The following MDGA2 variants were observed in gnomAD, a reference collection of about 807,000 sequenced individuals.
MDGA2 encodes the protein MAM domain containing glycosylphosphatidylinositol anchor 2.
MDGA2 carries 40 observed loss-of-function variants against 117.8 expected under a neutral mutation model. That is an observed-to-expected ratio of 0.34 (90% CI 0.26 to 0.44). The LOEUF (loss-of-function observed/expected upper bound fraction) is 0.44. MDGA2 is among the 20% of genes least tolerant of loss of function. MDGA2 has a pLI of 1.00. For missense variants in MDGA2, 1,123 were observed against 1,250.6 expected (o/e 0.90, Z 1.54); for synonymous variants, 452 against 439.0 (o/e 1.03, Z -0.37).
chr14:47,007,144 G>T (rs1887741229), intron 8 of MDGA2, among the ~76,000 whole-genome samples: 1 of 151,694 alleles, frequency 6.6e-6, no homozygotes, highest in Admixed American at 6.6e-5. Context: ...GTGATAATCT[G>T]GTCTTGTGGT....
At chr14:47,365,279 G>C (rs1418461779) in intron 1 of MDGA2, among the ~76,000 whole-genome samples, 1 of 152,206 alleles carries the variant, frequency 6.6e-6, no homozygotes, top group Non-Finnish European at 1.5e-5. Flanking sequence ...TGCATCTTGG[G>C]GGCCCACCCC....
At chr14:46,981,617 A>C (rs1361708341) in intron 8 of MDGA2, among the ~76,000 whole-genome samples, 1 of 152,190 alleles carries the variant, frequency 6.6e-6, no homozygotes. Context: ...GTCAAGTGGT[A>C]GGTGTGAAAA....
At chr14:47,371,268 C>G (rs1194001383) in intron 1 of MDGA2, among the ~76,000 whole-genome samples, 1 of 151,702 alleles carries the variant, frequency 6.6e-6, no homozygotes, top group Non-Finnish European at 1.5e-5. Flanking sequence ...TTTTCAAATG[C>G]TGATCTTTCT....
At chr14:46,960,696 T>C (rs1206594831) in intron 8 of MDGA2, 1 of 150,778 alleles carries the variant, frequency 6.6e-6, no homozygotes, top group African/African-American at 2.4e-5. Context: ...TATGTGTATA[T>C]ATACACATAT....
intron 3 of MDGA2, among the ~76,000 whole-genome samples, chr14:47,156,135 C>A (rs531762070): frequency 2.0e-4 from 30 of 151,732 alleles, no homozygotes; most frequent in Admixed American, 1.5e-3. Flanking sequence ...TCACAAACAC[C>A]TAACCTCAAG....
At chr14:47,372,746 C>T (rs1248580599) in intron 1 of MDGA2, among the ~76,000 whole-genome samples, 2 of 151,842 alleles carry the variant, frequency 1.3e-5, no homozygotes, top group African/African-American at 4.8e-5. Flanking sequence ...CTTATAAAAA[C>T]ATATGTAAAA....
intron 1 of MDGA2, among the ~76,000 whole-genome samples, chr14:47,400,024 T>C (rs1892100999): frequency 6.6e-6 from 1 of 152,214 alleles, no homozygotes; most frequent in Non-Finnish European, 1.5e-5. Context: ...CCTGACAATG[T>C]TCTTCCAGTT....
At chr14:47,350,465 G>A (rs1890853669) in intron 1 of MDGA2, among the ~76,000 whole-genome samples, 2 of 152,244 alleles carry the variant, frequency 1.3e-5, no homozygotes, top group African/African-American at 4.8e-5. Context: ...GAATAATACC[G>A]TTACCTATTT....
At chr14:47,155,919 T>TGAGACAGAG (rs1883365486) in intron 3 of MDGA2, among the ~76,000 whole-genome samples, 1 of 73,544 alleles carries the variant, frequency 1.4e-5, no homozygotes, top group African/African-American at 5.8e-5. Context: ...TTTTTTTTTT[T>TGAGACAGAG]TTTTTTTTTT....
intron 2 of MDGA2, among the ~76,000 whole-genome samples, chr14:47,226,267 G>T (rs1886499437): frequency 1.3e-5 from 2 of 149,072 alleles, no homozygotes; most frequent in South Asian, 4.2e-4. Flanking sequence ...ATAAATGGGA[G>T]GAGTCTGAAG....
chr14:46,940,483 C>A (rs1884955673), intron 9 of MDGA2, among the ~76,000 whole-genome samples: 2 of 151,852 alleles, frequency 1.3e-5, no homozygotes, highest in South Asian at 4.2e-4. Flanking sequence ...TAAAAACTGG[C>A]CAGGCATGAT....
At chr14:46,912,206 A>G (rs1344885376) in intron 10 of MDGA2, among the ~76,000 whole-genome samples, 2 of 152,202 alleles carry the variant, frequency 1.3e-5, no homozygotes, top group African/African-American at 4.8e-5. Context: ...TACTTTGCTC[A>G]TAAGCAAATT....
At chr14:47,415,264 G>C (rs945717119) in intron 1 of MDGA2, among the ~76,000 whole-genome samples, 1 of 152,174 alleles carries the variant, frequency 6.6e-6, no homozygotes, top group African/African-American at 2.4e-5. Flanking sequence ...ACCTATCTTT[G>C]CCTCATAGTC....
chr14:47,671,180 C>T (rs1392462486), intron 1 of MDGA2, among the ~76,000 whole-genome samples: 1 of 152,148 alleles, frequency 6.6e-6, no homozygotes, highest in Non-Finnish European at 1.5e-5. Context: ...CCAACTGTGA[C>T]ACCATATATA....
intron 2 of MDGA2, among the ~76,000 whole-genome samples, chr14:47,222,870 G>A (rs545954532): frequency 1.3e-5 from 2 of 152,278 alleles, no homozygotes; most frequent in African/African-American, 4.8e-5. Flanking sequence ...TCCAGAAGCC[G>A]ATGAATAGAA....
rs532519863 is a variant in MDGA2, at chr14:47,625,140, C to T, written c.280+49377G>A. On this transcript the variant is annotated intron_variant, in intron 1 of 16. Coordinates refer to ENST00000399232, the MANE Select transcript of MDGA2 (RefSeq NM_001113498.3). ...AGTGACAAATCTATGGTTCCTTTTACACAACAGGTTACAGTATAGTTGTTT... is the reference window on the plus strand; with the variant it reads ...AGTGACAAATCTATGGTTCCTTTTATACAACAGGTTACAGTATAGTTGTTT... Among the ~76,000 whole-genome samples the T allele has an allele frequency of 3.9e-5, 6 of 152,204 alleles. No homozygotes were observed. The South Asian group carries it at 1.2e-3, about 32-fold the overall frequency.
chr14:47,071,441 T>C (rs1229202632), intron 6 of MDGA2, among the ~76,000 whole-genome samples: 1 of 152,182 alleles, frequency 6.6e-6, no homozygotes, highest in Non-Finnish European at 1.5e-5. Context: ...ATATGTTATA[T>C]GTATTATAAA....
intron 1 of MDGA2, among the ~76,000 whole-genome samples, chr14:47,572,679 T>C (rs1040555843): frequency 1.3e-5 from 2 of 152,118 alleles, no homozygotes; most frequent in Admixed American, 6.5e-5. Flanking sequence ...CCTCCAATGG[T>C]ACTACTCAAG....
chr14:47,628,946 T>G (rs1165974657), intron 1 of MDGA2, among the ~76,000 whole-genome samples: 1 of 152,192 alleles, frequency 6.6e-6, no homozygotes, highest in Admixed American at 6.5e-5. Context: ...CCATCCCACC[T>G]CCAGAACTCT....
Sources: gnomAD v4.1 joint callset for allele counts (sites outside exome capture counted in the v4.1 genomes callset) on GRCh38, gnomAD v4.1.1 for gene constraint, MANE v1.5 for transcripts, NCBI Gene and HGNC (gene_info 2026-07-23, HGNC 2026-07-21) for gene names.